Variants in SLC35D4 observed in about 807,000 individuals in gnomAD.
The protein encoded by SLC35D4 is solute carrier family 35 member D4.
the SLC35D4 span, among the ~76,000 whole-genome samples, chr18:23,331,770 C>T: frequency 2.0e-5 from 3 of 152,098 alleles, no homozygotes; most frequent in Non-Finnish European, 4.4e-5. Flanking sequence ...TGGCCATGTG[C>T]CCTTTCCTAC....
the SLC35D4 span, among the ~76,000 whole-genome samples, chr18:23,302,441 A>G: frequency 6.6e-6 from 1 of 152,202 alleles, no homozygotes; most frequent in African/African-American, 2.4e-5. Context: ...AGTGGGGTTC[A>G]GGTTTGCTGC....
At chr18:23,411,550 A>AAAGAAAGAAAGAAAGG in the SLC35D4 span, among the ~76,000 whole-genome samples, 8 of 149,686 alleles carry the variant, frequency 5.3e-5, no homozygotes, top group African/African-American at 1.2e-4. Flanking sequence ...AGAAAGAAAG[A>AAAGAAAGAAAGAAAGG]AAGGTGTGTG....
chr18:23,369,733 G>A, the SLC35D4 span, among the ~76,000 whole-genome samples: 1 of 152,134 alleles, frequency 6.6e-6, no homozygotes, highest in Non-Finnish European at 1.5e-5. Context: ...GCCTGGAGTG[G>A]CCCAAACAGC....
chr18:23,377,608 T>G, the SLC35D4 span: 1 of 1,563,478 alleles, frequency 6.4e-7, no homozygotes, highest in Non-Finnish European at 8.6e-7. Context: ...GGTTAAATCT[T>G]ATATTATGGC....
the SLC35D4 span, among the ~76,000 whole-genome samples, chr18:23,334,660 A>G: frequency 2.0e-5 from 3 of 152,152 alleles, no homozygotes; most frequent in Non-Finnish European, 4.4e-5. Flanking sequence ...ATCTTTATCT[A>G]AAGAACGACC....
the SLC35D4 span, among the ~76,000 whole-genome samples, chr18:23,355,142 C>G: frequency 3.3e-5 from 5 of 152,136 alleles, no homozygotes; most frequent in Non-Finnish European, 7.3e-5. Context: ...GAGCTCTGTA[C>G]AGAAGCATGG....
At chr18:23,241,637 G>A in the SLC35D4 span, among the ~76,000 whole-genome samples, 1 of 152,224 alleles carries the variant, frequency 6.6e-6, no homozygotes, top group African/African-American at 2.4e-5. Flanking sequence ...ATGTTCTTGT[G>A]CATGGCTTTC....
the SLC35D4 span, among the ~76,000 whole-genome samples, chr18:23,266,637 C>T: frequency 6.6e-6 from 1 of 152,206 alleles, no homozygotes. Flanking sequence ...CAGCCATTAG[C>T]CAACAAATGG....
At chr18:23,254,040 C>G in the SLC35D4 span, 3 of 934,656 alleles carry the variant, frequency 3.2e-6, no homozygotes, top group African/African-American at 4.9e-5. Flanking sequence ...GATTCTGATC[C>G]TTAGTCAGCA....
At chr18:23,304,395 T>C in the SLC35D4 span, among the ~76,000 whole-genome samples, 258 of 147,762 alleles carry the variant, frequency 1.7e-3, 5 homozygotes, top group East Asian at 0.042. Context: ...CATATCATTA[T>C]ATATAATTAT....
chr18:23,376,039 G>T, the SLC35D4 span, among the ~76,000 whole-genome samples: 1 of 152,076 alleles, frequency 6.6e-6, no homozygotes, highest in Non-Finnish European at 1.5e-5. Context: ...TATATATAGT[G>T]CCCCTTAACT....
At chr18:23,308,776 T>A in the SLC35D4 span, among the ~76,000 whole-genome samples, 4 of 152,054 alleles carry the variant, frequency 2.6e-5, no homozygotes, top group African/African-American at 9.7e-5. Flanking sequence ...CTAAACAGGA[T>A]CATTTGGAGC....
the SLC35D4 span, among the ~76,000 whole-genome samples, chr18:23,355,955 T>A: frequency 6.6e-6 from 1 of 152,128 alleles, no homozygotes; most frequent in Non-Finnish European, 1.5e-5. Flanking sequence ...CTTCTTGGCA[T>A]GATGAGGTCA....
the SLC35D4 span, among the ~76,000 whole-genome samples, chr18:23,378,866 C>T: frequency 1.3e-5 from 2 of 152,186 alleles, no homozygotes; most frequent in Non-Finnish European, 2.9e-5. Context: ...ACTACAAAGG[C>T]TACCTTAAGT....
the SLC35D4 span, among the ~76,000 whole-genome samples, chr18:23,276,242 A>C: frequency 9.2e-5 from 14 of 151,736 alleles, no homozygotes; most frequent in Middle Eastern, 3.4e-3. Context: ...CACCCACCAA[A>C]ACGTCCGGCT....
the SLC35D4 span, among the ~76,000 whole-genome samples, chr18:23,427,612 G>A: frequency 6.6e-6 from 1 of 152,088 alleles, no homozygotes; most frequent in Non-Finnish European, 1.5e-5. Context: ...ACAGTGTGGC[G>A]ACTCCTCAAG....
At chr18:23,285,165 CCT>C in the SLC35D4 span, among the ~76,000 whole-genome samples, 3,715 of 152,212 alleles carry the variant, frequency 0.024, 51 homozygotes, top group Middle Eastern at 0.061. Flanking sequence ...CGCACCCCGA[CCT>C]CTTATCTGTG....
the SLC35D4 span, among the ~76,000 whole-genome samples, chr18:23,410,284 TG>T: frequency 6.6e-6 from 1 of 151,574 alleles, no homozygotes; most frequent in Non-Finnish European, 1.5e-5. Context: ...GAGACCATCC[TG>T]GCTAACACAG....
the SLC35D4 span, among the ~76,000 whole-genome samples, chr18:23,268,823 T>C: frequency 6.6e-6 from 1 of 152,092 alleles, no homozygotes; most frequent in East Asian, 1.9e-4. Flanking sequence ...TGTGTGTGTG[T>C]GTATACATAC....
Sources: allele counts gnomAD v4.1 joint callset (sites outside exome capture counted in the v4.1 genomes callset), GRCh38; gene constraint gnomAD v4.1.1; transcripts MANE v1.5; gene names NCBI Gene and HGNC (gene_info 2026-07-23, HGNC 2026-07-21).